The following HACD1 variants were observed in gnomAD, a reference collection of about 807,000 sequenced individuals.
HACD1 encodes very-long-chain (3R)-3-hydroxyacyl-CoA dehydratase 1.
Under a neutral mutation model 32.0 loss-of-function variants are expected in HACD1, and 41 were observed. The ratio of observed to expected loss-of-function variants is 1.28; its 90% CI spans 1.00 to 1.66. The LOEUF (loss-of-function observed/expected upper bound fraction) is 1.66, where lower values mean the gene tolerates loss of function less well. Ranked by LOEUF, HACD1 falls within the 40% of genes most tolerant of loss-of-function variation. The probability of loss-of-function intolerance (pLI) is 0.00; values close to 1 mark genes in which losing one functional copy is unlikely to be tolerated. For missense variants in HACD1, 396 were observed against 380.1 expected (o/e 1.04, Z -0.35); for synonymous variants, 142 against 139.0 (o/e 1.02, Z -0.15).
chr10:17,614,951 G>A (rs1355044367), intron 1 of HACD1, among the ~76,000 whole-genome samples: 3 of 151,766 alleles, frequency 2.0e-5, no homozygotes, highest in African/African-American at 7.3e-5. Flanking sequence ...ACGGGGTTTC[G>A]CCGTGTTAGC....
intron 4 of HACD1, among the ~76,000 whole-genome samples, chr10:17,602,025 A>G (rs1834076948): frequency 6.6e-6 from 1 of 152,054 alleles, no homozygotes; most frequent in African/African-American, 2.4e-5. Flanking sequence ...AAGGCTGTCA[A>G]GAAGGTCAGA....
chr10:17,611,958 C>A (rs868989002), intron 1 of HACD1, among the ~76,000 whole-genome samples: 9 of 150,456 alleles, frequency 6.0e-5, no homozygotes, highest in African/African-American at 1.7e-4. Context: ...CAGAGCGAGA[C>A]TCTGTCTTGA....
At chr10:17,591,986 T>TG in intron 6 of HACD1, among the ~76,000 whole-genome samples, 1 of 135,396 alleles carries the variant, frequency 7.4e-6, no homozygotes, top group African/African-American at 3.1e-5. Context: ...ATTTTTTTTT[T>TG]TTTTTTTTTT....
intron 4 of HACD1, among the ~76,000 whole-genome samples, chr10:17,600,428 G>C (rs1211698753): frequency 6.6e-6 from 1 of 151,904 alleles, no homozygotes; most frequent in South Asian, 2.1e-4. Context: ...CAACCTCCAC[G>C]TCCTAGGTTC....
chr10:17,608,207 T>A (rs782575397), intron 1 of HACD1, among the ~76,000 whole-genome samples: 23 of 152,108 alleles, frequency 1.5e-4, no homozygotes, highest in Middle Eastern at 6.8e-3. Context: ...GGGTTTTTTT[T>A]AGTAGAGATG....
chr10:17,598,714 G>T (rs962584218), intron 5 of HACD1, among the ~76,000 whole-genome samples: 1 of 152,108 alleles, frequency 6.6e-6, no homozygotes, highest in Non-Finnish European at 1.5e-5. Flanking sequence ...ATTGCTCAAA[G>T]AATTCAAACT....
intron 4 of HACD1, among the ~76,000 whole-genome samples, chr10:17,601,349 G>A (rs1834067917): frequency 6.6e-6 from 1 of 152,006 alleles, no homozygotes; most frequent in South Asian, 2.1e-4. Context: ...ATTCATTTCT[G>A]TAAATCCAGA....
chr10:17,593,986 G>A (rs1158774178), intron 6 of HACD1, among the ~76,000 whole-genome samples: 1 of 152,144 alleles, frequency 6.6e-6, no homozygotes, highest in Non-Finnish European at 1.5e-5. Flanking sequence ...AATAATCCAT[G>A]CGTTAATTTA....
chr10:17,611,840 G>A (rs1554817532), intron 1 of HACD1, among the ~76,000 whole-genome samples: 1 of 152,044 alleles, frequency 6.6e-6, no homozygotes, highest in East Asian at 1.9e-4. Flanking sequence ...GGTGGGGGGT[G>A]CCTGTAGTCC....
At chr10:17,600,423 T>G (rs563139723) in intron 4 of HACD1, among the ~76,000 whole-genome samples, 10 of 152,276 alleles carry the variant, frequency 6.6e-5, no homozygotes, top group Admixed American at 2.6e-4. Flanking sequence ...CACTGCAACC[T>G]CCACGTCCTA....
chr10:17,607,565 G>A (rs1554817156), intron 1 of HACD1, among the ~76,000 whole-genome samples: 1 of 152,150 alleles, frequency 6.6e-6, no homozygotes, highest in African/African-American at 2.4e-5. Flanking sequence ...AGTTTGAGAG[G>A]CAGTTATTAA....
intron 1 of HACD1, among the ~76,000 whole-genome samples, chr10:17,607,931 T>C (rs1554817184): frequency 6.6e-6 from 1 of 152,218 alleles, no homozygotes; most frequent in East Asian, 1.9e-4. Context: ...TTGAACTAGT[T>C]TTGAACTTCC....
intron 2 of HACD1, 58 bp downstream of exon 2, chr10:17,603,872 C>T (rs1834105833): frequency 6.6e-7 from 1 of 1,506,908 alleles, no homozygotes; most frequent in Middle Eastern, 1.7e-4. Context: ...TTTTGCACAA[C>T]AAAAAATGTT....
intron 1 of HACD1, 98 bp downstream of exon 1, chr10:17,616,985 C>T: frequency 1.6e-6 from 2 of 1,237,400 alleles, no homozygotes; most frequent in South Asian, 2.6e-5. Context: ...TGCCCGCACC[C>T]CCCGCGCCCC....
chr10:17,608,456 C>T (rs1834179719), intron 1 of HACD1, among the ~76,000 whole-genome samples: 1 of 152,096 alleles, frequency 6.6e-6, no homozygotes, highest in Non-Finnish European at 1.5e-5. Context: ...CATTTGGAGG[C>T]TTGGACCGAA....
chr10:17,604,808 C>T (rs762807814), intron 1 of HACD1, among the ~76,000 whole-genome samples: 2 of 152,168 alleles, frequency 1.3e-5, no homozygotes, highest in Non-Finnish European at 2.9e-5. Flanking sequence ...AGGGCTCAAG[C>T]GATCCTCCCA....
chr10:17,605,218 A>G, intron 1 of HACD1, among the ~76,000 whole-genome samples: 1 of 152,048 alleles, frequency 6.6e-6, no homozygotes, highest in East Asian at 1.9e-4. Context: ...ATGCCACTGA[A>G]CTTACACTTT....
intron 1 of HACD1, among the ~76,000 whole-genome samples, chr10:17,606,664 G>A (rs1367461489): frequency 2.0e-5 from 3 of 152,150 alleles, no homozygotes; most frequent in African/African-American, 7.2e-5. Context: ...TAATAAGATG[G>A]CAGAATGACA....
At chr10:17,599,707 G>C (rs1834042793) in intron 4 of HACD1, among the ~76,000 whole-genome samples, 1 of 152,116 alleles carries the variant, frequency 6.6e-6, no homozygotes, top group Non-Finnish European at 1.5e-5. Context: ...ACCAAAATCT[G>C]ACCCTCCTAC....
Sources: allele counts gnomAD v4.1 joint callset (sites outside exome capture counted in the v4.1 genomes callset), GRCh38; gene constraint gnomAD v4.1.1; transcripts MANE v1.5; gene names NCBI Gene and HGNC (gene_info 2026-07-23, HGNC 2026-07-21).